TBC1D1: variants seen among roughly 807,000 people sequenced by gnomAD.
TBC1D1 encodes TBC1 (tre-2/USP6, BUB2, cdc16) domain family, member 1.
Under a neutral mutation model 125.6 loss-of-function variants are expected in TBC1D1, and 89 were observed. The ratio of observed to expected loss-of-function variants is 0.71; its 90% confidence interval spans 0.60 to 0.85. The LOEUF (loss-of-function observed/expected upper bound fraction) is 0.85, where lower values mean the gene tolerates loss of function less well. Ranked by LOEUF, TBC1D1 falls within the 40% of genes least tolerant of loss-of-function variation. TBC1D1 has a pLI of 0.00. For missense variants in TBC1D1, 1,377 were observed against 1,469.2 expected (o/e 0.94, Z 1.03); for synonymous variants, 565 against 564.1 (o/e 1.00, Z -0.02).
In TBC1D1 at chr4:38,014,500, TCTC is replaced by T; in HGVS notation, c.418-5_418-3del. On this transcript the variant is annotated splice_region_variant and splice_polypyrimidine_tract_variant and intron_variant, in intron 2 of 19. Transcript: ENST00000261439. This position sits in a 1 kb window ranked among gnomAD's most constrained non-coding sequence, Gnocchi z 5.1. ...ATGTTCCAAATAACACGCCTCTCTC[TCTC>T]CTCAGGTGCCTGAGATCATCAGCTC... The T allele has an allele frequency of 2.5e-6, 4 of 1,608,588 alleles. No homozygotes were observed. Among genetic ancestry groups the T allele is most frequent in the Non-Finnish European group, 3.4e-6 (4 of 1,176,230 alleles).
At chr4:38,040,903 C>T (rs1042077062) in intron 8 of TBC1D1, among the ~76,000 whole-genome samples, 16 of 152,312 alleles carry the variant, frequency 1.1e-4, no homozygotes, top group African/African-American at 3.1e-4. Flanking sequence ...GTGTATTTCC[C>T]GTGGACCTGC....
chr4:37,938,721 T>A (rs1724915169), intron 2 of TBC1D1, among the ~76,000 whole-genome samples: 1 of 152,142 alleles, frequency 6.6e-6, no homozygotes, highest in Non-Finnish European at 1.5e-5. Context: ...TTCCCCTTCC[T>A]GTGTCCAAGT....
At chr4:37,992,133 A>G (rs530016100) in intron 2 of TBC1D1, among the ~76,000 whole-genome samples, 1 of 152,230 alleles carries the variant, frequency 6.6e-6, no homozygotes, top group Admixed American at 6.5e-5. Context: ...AAGGTTTGTG[A>G]GCAGGAGGCT....
intron 2 of TBC1D1, chr4:38,007,099 A>C (rs896249036): frequency 7.3e-6 from 2 of 272,230 alleles, no homozygotes; most frequent in African/African-American, 2.3e-5. Context: ...TCTGAAAGAG[A>C]AGACATTTCT....
chr4:38,081,896 G>A (rs533575507), intron 12 of TBC1D1, among the ~76,000 whole-genome samples: 2 of 152,134 alleles, frequency 1.3e-5, no homozygotes, highest in Non-Finnish European at 2.9e-5. Context: ...CAAGGCATTA[G>A]GATGAGCCAG....
intron 2 of TBC1D1, among the ~76,000 whole-genome samples, chr4:37,934,457 C>T (rs1723962098): frequency 6.6e-6 from 1 of 152,160 alleles, no homozygotes; most frequent in African/African-American, 2.4e-5. Flanking sequence ...GAGTAAGTCA[C>T]AGGCTGGGCG....
intron 2 of TBC1D1, chr4:37,960,858 A>C: frequency 6.2e-7 from 1 of 1,614,158 alleles, no homozygotes; most frequent in Non-Finnish European, 8.5e-7. Context: ...CCTCCCCTTG[A>C]GTGGAGTGCC....
chr4:38,122,997 C>A (rs370743472), intron 17 of TBC1D1, among the ~76,000 whole-genome samples: 1 of 150,006 alleles, frequency 6.7e-6, no homozygotes, highest in African/African-American at 2.4e-5. Flanking sequence ...TGTAAAAAAA[C>A]CAAGATCCTA....
At chr4:37,952,148 G>A (rs1028201494) in intron 2 of TBC1D1, 1 of 711,208 alleles carries the variant, frequency 1.4e-6, no homozygotes. Flanking sequence ...GAACCCAGCA[G>A]CTTCTAGTTC....
rs928759208 is a variant in TBC1D1 at position 38,133,157 on chromosome 4, T to G, written c.3206T>G (p.Ile1069Ser). The G allele has an allele frequency of 2.5e-6, 4 of 1,614,226 alleles. No individual in the cohort carries two copies. Among genetic ancestry groups the G allele is most frequent in the Non-Finnish European group, 2.5e-6 (3 of 1,180,028 alleles). ...TACCACGTCCTTCAAGAAGAACTTA[T>G]CGATTCCTCTCCTCTCAGTGACAAC... The change falls in exon 19 of 20, where the codon ATC becomes AGC. Residue 1069 changes from isoleucine (I) to serine (S), a missense_variant. Around this residue, in one of 3 missense-constraint regions of TBC1D1, gnomAD observed 543 missense variants for 613.5 expected, o/e 0.89. Coordinates refer to ENST00000261439, the MANE Select transcript of TBC1D1 (RefSeq NM_015173.4).
chr4:37,998,108 C>A (rs1472166964), intron 2 of TBC1D1, among the ~76,000 whole-genome samples: 2 of 152,074 alleles, frequency 1.3e-5, no homozygotes, highest in South Asian at 2.1e-4. Context: ...CTAGATAGTT[C>A]TTGACTTCAT....
In TBC1D1 at chr4:38,018,353, G is replaced by A. The variant is rs1743262663; in HGVS notation, c.883-1G>A. 6.2e-7 allele frequency: 1 copy of A among 1,605,852 alleles called. No homozygotes were observed. Among genetic ancestry groups the A allele is most frequent in the Non-Finnish European group, 8.5e-7 (1 of 1,177,124 alleles). On this transcript the variant is annotated splice_acceptor_variant, in intron 3 of 19. Coordinates refer to ENST00000261439, the MANE Select transcript of TBC1D1 (RefSeq NM_015173.4). LOFTEE classifies it high-confidence loss of function. The stretch of plus-strand genomic sequence containing the variant: ...CTAGATTTTTTTGTTTGTCTTTTAA[G>A]ATTGGCCAGTCTGAAGTTTACCTCA...
chr4:37,920,601 G>A (rs1720743651), intron 2 of TBC1D1, among the ~76,000 whole-genome samples: 1 of 152,180 alleles, frequency 6.6e-6, no homozygotes, highest in Admixed American at 6.5e-5. Context: ...TCAATGGGCT[G>A]AAGTTCAGCG....
At chr4:38,135,924 A>ATGTGTG (rs57275262) in intron 19 of TBC1D1, among the ~76,000 whole-genome samples, 1,926 of 145,072 alleles carry the variant, frequency 0.013, 21 homozygotes, top group Admixed American at 0.043. Context: ...GTGTGTGTAT[A>ATGTGTG]TGTGTGTGTG....
intron 2 of TBC1D1, among the ~76,000 whole-genome samples, chr4:37,908,117 G>A (rs73810035): frequency 0.01 from 1,580 of 152,150 alleles, 24 homozygotes; most frequent in African/African-American, 0.036. Flanking sequence ...GGTAATAGGT[G>A]GAGAAGTGCA....
chr4:38,095,848 A>G, intron 13 of TBC1D1, 81 bp from the exon 16 acceptor site: 1 of 1,428,430 alleles, frequency 7.0e-7, no homozygotes, highest in Non-Finnish European at 9.4e-7. Context: ...TCAGCGGGAT[A>G]ACAAGTAGGC....
chr4:38,119,398 C>G (rs1186675396), intron 17 of TBC1D1, among the ~76,000 whole-genome samples: 4 of 151,860 alleles, frequency 2.6e-5, no homozygotes, highest in Non-Finnish European at 5.9e-5. Context: ...TATAAGAATT[C>G]ATATTCCTTC....
chr4:38,085,919 A>G (rs1304950596), intron 12 of TBC1D1, among the ~76,000 whole-genome samples: 1 of 152,182 alleles, frequency 6.6e-6, no homozygotes, highest in East Asian at 1.9e-4. Flanking sequence ...TCGAGTCCAC[A>G]TCTCTCAAGA....
chr4:38,053,550 A>T (rs1751124169), intron 11 of TBC1D1, among the ~76,000 whole-genome samples: 1 of 152,206 alleles, frequency 6.6e-6, no homozygotes, highest in Admixed American at 6.5e-5. Flanking sequence ...TCTAATCTGT[A>T]AGTTGAGGGG....
Sources: gnomAD v4.1 joint callset for allele counts (sites outside exome capture counted in the v4.1 genomes callset) on GRCh38, gnomAD v4.1.1 for gene constraint, gnomAD v4.1.1 regional missense constraint, Gnocchi (gnomAD v3.1) non-coding constraint, MANE v1.5 for transcripts, NCBI Gene and HGNC (gene_info 2026-07-23, HGNC 2026-07-21) for gene names.